Variants in UGGT2 observed in about 807,000 individuals in gnomAD.
UGGT2 encodes UDP-glucose:glycoprotein glucosyltransferase 2.
A neutral mutation model predicts 192.1 loss-of-function variants in UGGT2; 180 were observed. The observed-to-expected ratio is 0.94, with a 90% CI of 0.83 to 1.06. The LOEUF (loss-of-function observed/expected upper bound fraction) is 1.06, where lower values mean the gene tolerates loss of function less well. Ranked by LOEUF, UGGT2 falls within the 50% of genes least tolerant of loss-of-function variation. The pLI is 0.00. For synonymous variants in UGGT2, 580 were observed against 591.0 expected (o/e 0.98, Z 0.27); for missense variants, 1,849 against 1,795.7 (o/e 1.03, Z -0.54).
intron 24 of UGGT2, among the ~76,000 whole-genome samples, chr13:95,894,045 A>G (rs1594253017): frequency 6.6e-6 from 1 of 152,152 alleles, no homozygotes; most frequent in South Asian, 2.1e-4. Flanking sequence ...TTTGCAGCTC[A>G]CACACTTGCT....
Position 95,843,386 on chromosome 13 carries a change from T to C in UGGT2, c.4285-6184A>G, listed in dbSNP as rs146153886. Reference sequence around the variant, plus strand: ...ACTAATGATGTTTAGCATCTTTTCATGGAATTATTGACACTTGATCATCTT... The same window carrying C: ...ACTAATGATGTTTAGCATCTTTTCACGGAATTATTGACACTTGATCATCTT... On this transcript the variant is annotated intron_variant, in intron 36 of 38. Transcript: ENST00000376747. 3.8e-3 allele frequency among the ~76,000 whole-genome samples: 574 copies of C among 152,342 alleles called. 3 individuals are homozygous for C. The highest frequency in any genetic ancestry group is 0.013 in the African/African-American group (545 of 41,582).
At chr13:96,026,765 A>G (rs868837610) in intron 2 of UGGT2, among the ~76,000 whole-genome samples, 19 of 142,758 alleles carry the variant, frequency 1.3e-4, no homozygotes, top group South Asian at 2.2e-4. Flanking sequence ...TCCGCTTCCC[A>G]GGTTCACGCC....
At chr13:95,868,057 G>C (rs911105768) in intron 29 of UGGT2, among the ~76,000 whole-genome samples, 1 of 152,094 alleles carries the variant, frequency 6.6e-6, no homozygotes, top group Non-Finnish European at 1.5e-5. Context: ...GGACTAAAAA[G>C]TTCTATCATA....
chr13:95,846,283 GGCGTGGCA>G (rs1888437982), intron 36 of UGGT2, among the ~76,000 whole-genome samples: 1 of 152,152 alleles, frequency 6.6e-6, no homozygotes, highest in Non-Finnish European at 1.5e-5. Flanking sequence ...AAACCAGTCA[GGCGTGGCA>G]GCGCGCGCCT....
chr13:95,811,174 G>A (rs1384745507), intron 38 of UGGT2, among the ~76,000 whole-genome samples: 1 of 152,108 alleles, frequency 6.6e-6, no homozygotes, highest in Admixed American at 6.6e-5. Flanking sequence ...ACAGCCAGTG[G>A]TTTTGGAAAA....
intron 14 of UGGT2, among the ~76,000 whole-genome samples, 180 bp from the exon 15 acceptor site, chr13:95,947,352 T>C (rs1386545779): frequency 3.3e-5 from 5 of 152,172 alleles, no homozygotes; most frequent in Non-Finnish European, 7.3e-5. Context: ...AAAATCCACA[T>C]AGCTACTGGA....
At position 95,905,202 on chromosome 13, in the gene UGGT2, T is replaced by G. The variant is rs574711705; in HGVS notation, c.2296-2142A>C. On this transcript the variant is annotated intron_variant, in intron 20 of 38. Coordinates refer to ENST00000376747, the MANE Select transcript of UGGT2 (RefSeq NM_020121.4). ...TTGTAGATTCTGGATATTAGCCCTT[T>G]GTCAGATGAGTAGGTTGTGGAAATT... 1.2e-4 allele frequency among the ~76,000 whole-genome samples: 18 copies of G among 151,886 alleles called. No homozygotes were observed. The East Asian group carries it at 3.3e-3, about 28-fold the overall frequency.
chr13:95,885,515 AAGTCAC>A (rs1162033891), intron 26 of UGGT2, among the ~76,000 whole-genome samples: 1 of 152,176 alleles, frequency 6.6e-6, no homozygotes. Context: ...AGCAAGACAA[AAGTCAC>A]AGTCTTTCAT....
At chr13:96,013,559 T>G in intron 4 of UGGT2, 78 bp from the exon 5 acceptor site, 1 of 950,902 alleles carries the variant, frequency 1.1e-6, no homozygotes, top group Non-Finnish European at 1.4e-6. Context: ...TTACTGCTTA[T>G]CAAACAATTC....
chr13:95,915,930 C>G (rs1178463976), intron 20 of UGGT2, among the ~76,000 whole-genome samples: 1 of 152,186 alleles, frequency 6.6e-6, no homozygotes, highest in East Asian at 1.9e-4. Flanking sequence ...GTGGGAGAAG[C>G]GGCTACCATC....
At chr13:95,988,501 T>C (rs547551889) in intron 8 of UGGT2, among the ~76,000 whole-genome samples, 48 of 152,232 alleles carry the variant, frequency 3.2e-4, no homozygotes, top group African/African-American at 1.2e-3. Flanking sequence ...AGATGAGACA[T>C]TAAATAGGAA....
chr13:96,025,916 A>G (rs1049373239), intron 2 of UGGT2, among the ~76,000 whole-genome samples: 3 of 152,194 alleles, frequency 2.0e-5, no homozygotes, highest in African/African-American at 7.2e-5. Flanking sequence ...AGGAAAAGTG[A>G]TAAAAATGAA....
chr13:95,941,813 C>G (rs1395815404), intron 15 of UGGT2, among the ~76,000 whole-genome samples: 1 of 152,174 alleles, frequency 6.6e-6, no homozygotes, highest in African/African-American at 2.4e-5. Flanking sequence ...AACCACGTAA[C>G]ATAAGAAATG....
chr13:95,852,131 A>G (rs1345547084), intron 36 of UGGT2, among the ~76,000 whole-genome samples: 1 of 152,180 alleles, frequency 6.6e-6, no homozygotes, highest in African/African-American at 2.4e-5. Flanking sequence ...ACTCATTCAT[A>G]TTTTGACATA....
At chr13:96,000,424 C>A (rs936530158) in intron 5 of UGGT2, among the ~76,000 whole-genome samples, 2 of 152,314 alleles carry the variant, frequency 1.3e-5, no homozygotes, top group East Asian at 1.9e-4. Context: ...CAGACAAATA[C>A]TTAACATTGC....
intron 12 of UGGT2, among the ~76,000 whole-genome samples, chr13:95,969,252 C>T (rs2050688175): frequency 6.6e-6 from 1 of 152,142 alleles, no homozygotes; most frequent in South Asian, 2.1e-4. Context: ...CACAACTCCA[C>T]TAGGAGGGAA....
intron 5 of UGGT2, among the ~76,000 whole-genome samples, chr13:96,002,058 T>G (rs2051824009): frequency 6.6e-6 from 1 of 152,212 alleles, no homozygotes; most frequent in African/African-American, 2.4e-5. Flanking sequence ...TACTTAAGTT[T>G]TAGTGGAGTC....
chr13:95,873,416 G>A (rs912684051), intron 29 of UGGT2, among the ~76,000 whole-genome samples: 1 of 152,182 alleles, frequency 6.6e-6, no homozygotes, highest in Non-Finnish European at 1.5e-5. Context: ...GGTAGCATAG[G>A]TTGCTGCATA....
At chr13:95,832,376 A>T (rs1291313868) in intron 38 of UGGT2, among the ~76,000 whole-genome samples, 1 of 152,140 alleles carries the variant, frequency 6.6e-6, no homozygotes. Context: ...TTTGTTGAAC[A>T]CTTATGTAGG....
Sources: gnomAD v4.1 joint callset for allele counts (sites outside exome capture counted in the v4.1 genomes callset) on GRCh38, gnomAD v4.1.1 for gene constraint, MANE v1.5 for transcripts, NCBI Gene and HGNC (gene_info 2026-07-23, HGNC 2026-07-21) for gene names.